ETNPPL: variants seen among roughly 807,000 people sequenced by gnomAD.
ETNPPL encodes alanine--glyoxylate aminotransferase 2-like 1.
A neutral mutation model predicts 55.5 loss-of-function variants in ETNPPL; 30 were observed. The ratio of observed to expected loss-of-function variants is 0.54; its 90% CI spans 0.40 to 0.73. ETNPPL has a LOEUF of 0.73. Among genes scored for constraint, ETNPPL ranks in the 30% least tolerant of loss-of-function variants. The pLI is 0.00. For synonymous variants in ETNPPL, 202 were observed against 207.2 expected (o/e 0.98, Z 0.21); for missense variants, 528 against 607.9 (o/e 0.87, Z 1.38).
chr4:108,750,495 C>CGT (rs3062135), intron 7 of ETNPPL, among the ~76,000 whole-genome samples: 24,480 of 141,520 alleles, frequency 0.17, 2,216 homozygotes, highest in Middle Eastern at 0.22. Context: ...TTAATACCGC[C>CGT]GTGTGTGTGT....
At chr4:108,754,572 G>C in intron 5 of ETNPPL, 48 bp downstream of exon 5, 1 of 965,492 alleles carries the variant, frequency 1.0e-6, no homozygotes, top group Non-Finnish European at 1.7e-6. Context: ...TTATCATTAA[G>C]CATTCCTCCA....
chr4:108,759,298 G>A lies in ETNPPL; in HGVS notation c.335+451C>T, dbSNP rs1429118764. Among the ~76,000 whole-genome samples, 3 of 150,820 alleles carry A rather than the reference G, an allele frequency of 2.0e-5. No individual in the cohort carries two copies. The East Asian group carries it at 5.9e-4, about 29-fold the overall frequency. ...TGCCTGTAATCCCAGCTACTTGGGAGGCTGAGGCAGGAGAATAGCGTGAAC... is the reference window on the plus strand; with the variant it reads ...TGCCTGTAATCCCAGCTACTTGGGAAGCTGAGGCAGGAGAATAGCGTGAAC... On this transcript the variant is annotated intron_variant, in intron 3 of 12. Transcript: ENST00000296486.
chr4:108,751,942 A>G (rs1315395617), intron 6 of ETNPPL, among the ~76,000 whole-genome samples: 1 of 152,240 alleles, frequency 6.6e-6, no homozygotes, highest in African/African-American at 2.4e-5. Flanking sequence ...AGAGTCCGTA[A>G]GATCTTGTTA....
intron 5 of ETNPPL, among the ~76,000 whole-genome samples, chr4:108,754,094 C>T (rs1255101631): frequency 2.0e-5 from 3 of 151,768 alleles, no homozygotes; most frequent in Middle Eastern, 6.8e-3. Flanking sequence ...CTGTCTCAGC[C>T]TCTCAAGTTG....
At chr4:108,752,003 A>G (rs1728936281) in intron 6 of ETNPPL, among the ~76,000 whole-genome samples, 1 of 152,260 alleles carries the variant, frequency 6.6e-6, no homozygotes, top group African/African-American at 2.4e-5. Context: ...AAACAGGTAC[A>G]GACCACATTT....
intron 3 of ETNPPL, among the ~76,000 whole-genome samples, chr4:108,757,980 T>C (rs1729301539): frequency 6.6e-6 from 1 of 150,916 alleles, no homozygotes; most frequent in South Asian, 2.1e-4. Flanking sequence ...GAATGTCTAA[T>C]AGTTAATTTT....
At chr4:108,757,658 G>A (rs139715255) in intron 3 of ETNPPL, among the ~76,000 whole-genome samples, 2 of 152,070 alleles carry the variant, frequency 1.3e-5, no homozygotes, top group Non-Finnish European at 2.9e-5. Context: ...ATTAGTCTTG[G>A]CTGGGTGCGG....
chr4:108,761,431 A>G (rs1050818451), intron 1 of ETNPPL, among the ~76,000 whole-genome samples: 4 of 152,204 alleles, frequency 2.6e-5, no homozygotes, highest in Non-Finnish European at 4.4e-5. Context: ...ATAGTATTTT[A>G]TAAGAATTTC....
At position 108,762,919 on chromosome 4, in the gene ETNPPL, T is replaced by C. The variant is rs369033734; in HGVS notation, c.-21A>G. On this transcript the variant is annotated 5_prime_UTR_variant, in exon 1 of 13. Transcript: ENST00000296486. The stretch of plus-strand genomic sequence containing the variant: ...CACATGGTGGCGGGGTGCAGGGCGC[T>C]GCGAAGGTGCAAGGTGCAAGGTCTG... 6 of 1,612,962 alleles carry C rather than the reference T, an allele frequency of 3.7e-6. No homozygotes were observed. The highest frequency in any genetic ancestry group is 1.1e-5 in the South Asian group (1 of 91,050).
At chr4:108,754,534 G>T in intron 5 of ETNPPL, 86 bp downstream of exon 5, 1 of 761,914 alleles carries the variant, frequency 1.3e-6, no homozygotes, top group Non-Finnish European at 2.2e-6. Context: ...CTCTTTCATG[G>T]TTCATCTAGA....
intron 4 of ETNPPL, among the ~76,000 whole-genome samples, chr4:108,755,793 C>G (rs1729169395): frequency 1.3e-5 from 2 of 152,024 alleles, no homozygotes; most frequent in South Asian, 4.2e-4. Flanking sequence ...TGCACTCCAG[C>G]CTGGATGACA....
intron 3 of ETNPPL, among the ~76,000 whole-genome samples, chr4:108,759,352 G>A (rs1359607258): frequency 8.2e-6 from 1 of 122,096 alleles, no homozygotes. Flanking sequence ...AGTGACCTGA[G>A]ATCACACCAC....
Position 108,762,676 on chromosome 4 carries a change from C to T in ETNPPL, c.56+167G>A, listed in dbSNP as rs1729567372. The T allele has an allele frequency of 1.1e-5, 9 of 815,186 alleles. No homozygotes were observed. The South Asian group carries it at 1.1e-4, about 10-fold the overall frequency. The allele number at this position is 815,186 out of a possible 1,614,324, so 50.5% of individuals were successfully genotyped here. A position where few individuals can be genotyped will look rare whatever the true frequency, so the allele number is the denominator to read the frequency against. On this transcript the variant is annotated intron_variant, in intron 1 of 12. Coordinates refer to ENST00000296486, the MANE Select transcript of ETNPPL (RefSeq NM_031279.4). ...GGGTTCCAGGAGCGTTTCTGGGAGT[C>T]CGCGCGGCCCCTGCAGGTGGAGGCG...
At chr4:108,746,551 T>C (rs1728509435) in intron 10 of ETNPPL, 22 bp from the exon 11 acceptor site, 2 of 1,608,832 alleles carry the variant, frequency 1.2e-6, no homozygotes, top group Non-Finnish European at 1.7e-6. Context: ...AGGAAATACA[T>C]GTGAGTGTAT....
rs116797389 is a variant in ETNPPL at position 108,757,981 on chromosome 4, A to C, written c.336-1489T>G. Among the ~76,000 whole-genome samples, 632 of 150,180 alleles carry C rather than the reference A, an allele frequency of 4.2e-3. 6 individuals are homozygous for C. Among genetic ancestry groups the C allele is most frequent in the African/African-American group, 0.015 (599 of 40,968 alleles). On this transcript the variant is annotated intron_variant, in intron 3 of 12. Coordinates refer to ENST00000296486, the MANE Select transcript of ETNPPL (RefSeq NM_031279.4). ...ATCAAATATTCACGGAATGTCTAAT[A>C]GTTAATTTTCATATATATTTCTTTC...
chr4:108,751,544 G>A (rs1036083422), intron 6 of ETNPPL, among the ~76,000 whole-genome samples: 3 of 152,168 alleles, frequency 2.0e-5, no homozygotes, highest in African/African-American at 4.8e-5. Context: ...ACAGTGGGCA[G>A]TTAACAATAG....
At position 108,746,465 on chromosome 4, in the gene ETNPPL, G is replaced by A. The variant is rs532557474; in HGVS notation, c.1237C>T (p.Pro413Ser). The A allele has an allele frequency of 6.2e-7, 1 of 1,613,772 alleles. No homozygotes were observed. The highest frequency in any genetic ancestry group is 1.3e-5 in the African/African-American group (1 of 75,040). Residue 413 changes from proline to serine, a missense_variant, in exon 11 of 13, where the codon CCA (proline) becomes TCA (serine). Pro to Ser is a moderately conservative substitution (Grantham distance 74, BLOSUM62 -1). Transcript: ENST00000296486. ...GPHRNVLKIKPPMCFTEEDAK... is the reference protein window; with the variant it reads ...GPHRNVLKIKSPMCFTEEDAK... ...TCTTCTTCAGTGAAGCACATAGGTG[G>A]TTTTATTTTAAGTACATTTCTATGA...
rs183290169 is a variant in ETNPPL, at chr4:108,758,002, C to A, written c.336-1510G>T. 9.0e-4 allele frequency among the ~76,000 whole-genome samples: 118 copies of A among 130,990 alleles called. 3 individuals carry two copies. In the East Asian group the frequency reaches 0.027, roughly 30 times the overall value. 85.9% of individuals were successfully genotyped at this position (130,990 alleles called of 152,430 possible). On this transcript the variant is annotated intron_variant, in intron 3 of 12. Transcript: ENST00000296486. ...TAATAGTTAATTTTCATATATATTT[C>A]TTTCTTTTTTTTTTTTTTTTTTTGA...
intron 4 of ETNPPL, 175 bp from the exon 5 acceptor site, chr4:108,754,885 A>C (rs1175303958): frequency 1.8e-6 from 1 of 548,088 alleles, no homozygotes; most frequent in African/African-American, 2.0e-5. Context: ...ACTGGCCCTT[A>C]ATGTGTACAA....
Sources: gnomAD v4.1 joint callset for allele counts (sites outside exome capture counted in the v4.1 genomes callset) on GRCh38, gnomAD v4.1.1 for gene constraint, MANE v1.5 for transcripts, NCBI Gene and HGNC (gene_info 2026-07-23, HGNC 2026-07-21) for gene names.